MACROD2: variants seen among roughly 807,000 people sequenced by gnomAD.
The protein encoded by MACROD2 is mono-ADP ribosylhydrolase 2, also known as ADP-ribose glycohydrolase MACROD2.
Under a neutral mutation model 70.4 loss-of-function variants are expected in MACROD2, and 36 were observed. The ratio of observed to expected loss-of-function variants is 0.51; its 90% CI spans 0.39 to 0.68. MACROD2 has a LOEUF of 0.68. Among genes scored for constraint, MACROD2 ranks in the 30% least tolerant of loss-of-function variants. MACROD2 has a pLI of 0.00. For synonymous variants in MACROD2, 172 were observed against 178.8 expected, an observed-to-expected ratio of 0.96 and a Z score of 0.30; for missense variants, 496 against 538.4, an observed-to-expected ratio of 0.92 and a Z score of 0.78.
At chr20:15,815,632 T>G (rs1200217503) in intron 8 of MACROD2, among the ~76,000 whole-genome samples, 1 of 152,188 alleles carries the variant, frequency 6.6e-6, no homozygotes, top group Non-Finnish European at 1.5e-5. Flanking sequence ...GTTGTCCAGG[T>G]AGTTCTAAGT....
At chr20:14,838,230 T>C (rs997784480) in intron 5 of MACROD2, among the ~76,000 whole-genome samples, 1 of 152,068 alleles carries the variant, frequency 6.6e-6, no homozygotes, top group African/African-American at 2.4e-5. Context: ...ATGTTGCAAA[T>C]CAGCTACTAT....
intron 5 of MACROD2, among the ~76,000 whole-genome samples, chr20:15,097,108 G>C (rs139444221): frequency 6.6e-5 from 10 of 152,028 alleles, no homozygotes; most frequent in African/African-American, 2.4e-4. Flanking sequence ...CACTGTGCCC[G>C]GTGCTAATTT....
chr20:14,442,333 A>T (rs1271663852), intron 3 of MACROD2, among the ~76,000 whole-genome samples: 1 of 152,006 alleles, frequency 6.6e-6, no homozygotes, highest in Non-Finnish European at 1.5e-5. Flanking sequence ...ATATATATAC[A>T]TTATATTTAC....
chr20:15,352,164 C>A (rs1453061802), intron 6 of MACROD2, among the ~76,000 whole-genome samples: 1 of 152,112 alleles, frequency 6.6e-6, no homozygotes, highest in Non-Finnish European at 1.5e-5. Context: ...GAAACAGAAC[C>A]AGAAGCCAAG....
chr20:14,478,464 C>T (rs940688828), intron 3 of MACROD2, among the ~76,000 whole-genome samples: 8 of 152,118 alleles, frequency 5.3e-5, no homozygotes, highest in Middle Eastern at 3.4e-3. Context: ...TGCTTTCAAG[C>T]TTTTTTTTCT....
chr20:14,146,598 A>G (rs1031618195), intron 3 of MACROD2, among the ~76,000 whole-genome samples: 2 of 152,118 alleles, frequency 1.3e-5, no homozygotes, highest in South Asian at 2.1e-4. Flanking sequence ...CCACTGACTG[A>G]TATTTTATCC....
intron 6 of MACROD2, among the ~76,000 whole-genome samples, chr20:15,310,317 G>T (rs1237564487): frequency 6.6e-6 from 1 of 152,138 alleles, no homozygotes; most frequent in African/African-American, 2.4e-5. Context: ...GCCCAATGTT[G>T]AAAGCCTAAA....
At chr20:14,746,210 T>A (rs970884441) in intron 5 of MACROD2, among the ~76,000 whole-genome samples, 2 of 152,176 alleles carry the variant, frequency 1.3e-5, no homozygotes, top group African/African-American at 4.8e-5. Flanking sequence ...TTTCAACTTT[T>A]CACTACCAGG....
intron 7 of MACROD2, among the ~76,000 whole-genome samples, chr20:15,470,770 A>G (rs2046954186): frequency 6.6e-6 from 1 of 152,014 alleles, no homozygotes; most frequent in African/African-American, 2.4e-5. Flanking sequence ...CAGTTCCTGT[A>G]TTCTTCTGCC....
intron 3 of MACROD2, among the ~76,000 whole-genome samples, chr20:14,458,032 C>T (rs968862885): frequency 6.6e-6 from 1 of 151,296 alleles, no homozygotes; most frequent in African/African-American, 2.4e-5. Flanking sequence ...ACCCAGGAGG[C>T]AGAGTTTGCA....
intron 8 of MACROD2, among the ~76,000 whole-genome samples, chr20:15,673,448 G>A (rs958688038): frequency 2.6e-5 from 4 of 152,102 alleles, no homozygotes; most frequent in Admixed American, 2.6e-4. Flanking sequence ...AAAATAGGTG[G>A]CTAACTCATG....
chr20:14,959,988 A>T (rs1282650314), intron 5 of MACROD2, among the ~76,000 whole-genome samples: 1 of 152,176 alleles, frequency 6.6e-6, no homozygotes, highest in African/African-American at 2.4e-5. Flanking sequence ...TCATTGGTTT[A>T]CTCATGGGGA....
At chr20:14,600,436 TAC>T (rs1158754157) in intron 4 of MACROD2, among the ~76,000 whole-genome samples, 3 of 150,868 alleles carry the variant, frequency 2.0e-5, no homozygotes, top group Admixed American at 6.6e-5. Context: ...AGAAAAAAAA[TAC>T]AGTTAATGTT....
chr20:14,223,811 T>C (rs956815948), intron 3 of MACROD2, among the ~76,000 whole-genome samples: 1 of 152,110 alleles, frequency 6.6e-6, no homozygotes, highest in African/African-American at 2.4e-5. Context: ...ACATTCTTCA[T>C]ATTGGGACTG....
At chr20:14,815,267 A>G (rs1174998284) in intron 5 of MACROD2, among the ~76,000 whole-genome samples, 1 of 152,058 alleles carries the variant, frequency 6.6e-6, no homozygotes, top group Admixed American at 6.6e-5. Flanking sequence ...GCTTATTTCA[A>G]CTATGTAACA....
intron 5 of MACROD2, among the ~76,000 whole-genome samples, chr20:15,117,956 G>T (rs1364033343): frequency 1.3e-5 from 2 of 151,936 alleles, no homozygotes; most frequent in Non-Finnish European, 2.9e-5. Context: ...TTGTTTGTTT[G>T]TTTTTTCCCC....
chr20:14,953,803 C>T (rs1600866511), intron 5 of MACROD2, among the ~76,000 whole-genome samples: 1 of 152,092 alleles, frequency 6.6e-6, no homozygotes, highest in Non-Finnish European at 1.5e-5. Context: ...AAATTAGGGT[C>T]TTAAAAATTT....
chr20:15,901,512 C>A (rs933368787), intron 10 of MACROD2, among the ~76,000 whole-genome samples: 1 of 152,134 alleles, frequency 6.6e-6, no homozygotes, highest in Non-Finnish European at 1.5e-5. Context: ...TCTAGAGTGG[C>A]CTGTGTTGTC....
intron 7 of MACROD2, among the ~76,000 whole-genome samples, chr20:15,485,544 C>G (rs1199766932): frequency 6.6e-6 from 1 of 152,150 alleles, no homozygotes; most frequent in Non-Finnish European, 1.5e-5. Flanking sequence ...TATTCTACCA[C>G]AAACTTGGTC....
Sources: allele counts gnomAD v4.1 joint callset (sites outside exome capture counted in the v4.1 genomes callset), GRCh38; gene constraint gnomAD v4.1.1; transcripts MANE v1.5; gene names NCBI Gene and HGNC (gene_info 2026-07-23, HGNC 2026-07-21).